PXDNL: variants seen among roughly 807,000 people sequenced by gnomAD.
The protein encoded by PXDNL is peroxidasin like.
A neutral mutation model predicts 150.8 loss-of-function variants in PXDNL; 145 were observed. The observed-to-expected ratio is 0.96, with a 90% CI of 0.84 to 1.10. PXDNL has a LOEUF of 1.10. PXDNL is among the 50% of genes least tolerant of loss of function. The pLI is 0.00. For missense variants in PXDNL, 2,087 were observed against 1,873.9 expected (o/e 1.11, Z -2.10); for synonymous variants, 757 against 725.7 (o/e 1.04, Z -0.69).
At chr8:51,594,429 C>T (rs1360457323) in intron 2 of PXDNL, among the ~76,000 whole-genome samples, 1 of 152,064 alleles carries the variant, frequency 6.6e-6, no homozygotes, top group Non-Finnish European at 1.5e-5. Flanking sequence ...CAATTAGAAA[C>T]GGAAAAGATA....
At chr8:51,432,917 G>A (rs529552817) in intron 12 of PXDNL, among the ~76,000 whole-genome samples, 1 of 147,898 alleles carries the variant, frequency 6.8e-6, no homozygotes, top group Non-Finnish European at 1.5e-5. Flanking sequence ...ATTTTAAAAG[G>A]AATATTTCGG....
chr8:51,604,664 T>TA (rs1437908636), intron 2 of PXDNL, among the ~76,000 whole-genome samples: 4 of 152,100 alleles, frequency 2.6e-5, no homozygotes, highest in Admixed American at 6.6e-5. Flanking sequence ...ATAAAAAAAA[T>TA]ACTTAAACAT....
chr8:51,390,937 T>C lies in PXDNL; in HGVS notation c.3558-16206A>G, dbSNP rs1437661468. ...CAGTCCCCAGAGTGTGATGTTCCCCTTCCTGTGTCCATGTGTTCTCACTGT... is the reference window on the plus strand; with the variant it reads ...CAGTCCCCAGAGTGTGATGTTCCCCCTCCTGTGTCCATGTGTTCTCACTGT... On this transcript the variant is annotated intron_variant, in intron 17 of 22. Transcript: ENST00000356297. 2.6e-5 allele frequency among the ~76,000 whole-genome samples: 4 copies of C among 152,156 alleles called. No individual in the cohort carries two copies. In the East Asian group the frequency reaches 7.7e-4, roughly 29 times the overall value.
chr8:51,722,553 T>C lies in PXDNL; in HGVS notation c.165-67793A>G, dbSNP rs146906948. Among the ~76,000 whole-genome samples the C allele has an allele frequency of 2.9e-3, 436 of 152,222 alleles. 1 individual carries two copies. The highest frequency in any genetic ancestry group is 9.8e-3 in the African/African-American group (408 of 41,524). ...AGACTCAGGGATGAATGCAGGGTTT[T>C]TATTGAGTGGTGAGGTGGCTCTCAG... On this transcript the variant is annotated intron_variant, in intron 1 of 22. Coordinates refer to ENST00000356297, the MANE Select transcript of PXDNL (RefSeq NM_144651.5).
chr8:51,685,506 G>A (rs1277247436), intron 1 of PXDNL, among the ~76,000 whole-genome samples: 3 of 152,126 alleles, frequency 2.0e-5, no homozygotes, highest in South Asian at 2.1e-4. Context: ...TAGTCTCACC[G>A]CTGCCTACTT....
At chr8:51,674,857 C>A (rs1346109203) in intron 1 of PXDNL, among the ~76,000 whole-genome samples, 1 of 152,210 alleles carries the variant, frequency 6.6e-6, no homozygotes, top group East Asian at 1.9e-4. Context: ...GTTTCAGGTC[C>A]AGATTTGTCT....
chr8:51,718,876 A>T (rs1816667428), intron 1 of PXDNL, among the ~76,000 whole-genome samples: 1 of 151,976 alleles, frequency 6.6e-6, no homozygotes, highest in Admixed American at 6.5e-5. Flanking sequence ...AGGATCCTGA[A>T]CTAGTCATTT....
At position 51,408,654 on chromosome 8, in the gene PXDNL, G is replaced by T; in HGVS notation, c.2970C>A (p.Pro990=). Residue 990 remains proline (P), a synonymous_variant, in exon 17 of 23, where the codon CCC becomes CCA. Transcript: ENST00000356297. ...RMATELSALN[P]HWEGNTVYQE... ...GGTAAACCGTGTTTCCCTCCCAGTG[G>T]GGGTTCAGGGCGGACAGCTCCGTGG... 1.2e-6 allele frequency: 2 copies of T among 1,605,256 alleles called. No homozygotes were observed. Among genetic ancestry groups the T allele is most frequent in the East Asian group, 4.5e-5 (2 of 44,454 alleles).
At chr8:51,559,515 G>A (rs1812676764) in intron 3 of PXDNL, among the ~76,000 whole-genome samples, 1 of 151,878 alleles carries the variant, frequency 6.6e-6, no homozygotes, top group Non-Finnish European at 1.5e-5. Flanking sequence ...ACATCACCCA[G>A]AGCACAATCT....
intron 17 of PXDNL, among the ~76,000 whole-genome samples, chr8:51,380,070 G>T (rs925269776): frequency 1.3e-5 from 2 of 151,598 alleles, no homozygotes; most frequent in Admixed American, 6.6e-5. Flanking sequence ...ATTGAAAAAA[G>T]AAGAAGTGTC....
chr8:51,553,323 ATTGTACTCGTATGGACTG>A (rs957713698), intron 4 of PXDNL, among the ~76,000 whole-genome samples: 1 of 152,098 alleles, frequency 6.6e-6, no homozygotes, highest in Non-Finnish European at 1.5e-5. Context: ...TCCACTAGGC[ATTGTACTCGTATGGACTG>A]TCTGCAATGG....
Position 51,619,857 on chromosome 8 carries a change from C to A in PXDNL, c.237-27159G>T, listed in dbSNP as rs574465048. Among the ~76,000 whole-genome samples the A allele has an allele frequency of 2.0e-5, 3 of 152,264 alleles. No homozygotes were observed. In the South Asian group the frequency reaches 6.2e-4, roughly 32 times the overall value. ...CTCCGTCTGTTAGCATTAGATGATA[C>A]CCTTTTCATCCAATCAGATTTCCAC... On this transcript the variant is annotated intron_variant, in intron 2 of 22. Transcript: ENST00000356297.
rs148043479 is a variant in PXDNL at position 51,453,555 on chromosome 8, C to T, written c.1213G>A (p.Gly405Ser). 1,076 of 1,614,020 alleles carry T rather than the reference C, an allele frequency of 6.7e-4. 6 individuals are homozygous for T. The African/African-American group carries it at 0.012, about 18-fold the overall frequency. The change falls in exon 10 of 23, where the codon GGC becomes AGC. Residue 405 changes from glycine (G) to serine (S), a missense_variant. Gly to Ser is a moderately conservative substitution (Grantham distance 56). Coordinates refer to ENST00000356297, the MANE Select transcript of PXDNL (RefSeq NM_144651.5). ...RFTCHANNSH[G>S]TVQAAANIIV... is the part of the protein sequence containing the mutation. Reference sequence around the variant, plus strand: ...ATGTTTGCTGCAGCTTGAACAGTGCCGTGGCTATTGTTGGCATGACAGGTA... The same window carrying T: ...ATGTTTGCTGCAGCTTGAACAGTGCTGTGGCTATTGTTGGCATGACAGGTA...
intron 1 of PXDNL, among the ~76,000 whole-genome samples, chr8:51,726,115 G>A (rs118171405): frequency 0.014 from 2,140 of 152,296 alleles, 32 homozygotes; most frequent in South Asian, 0.038. Context: ...GAAATGCAGC[G>A]TTTTTTGATG....
intron 1 of PXDNL, among the ~76,000 whole-genome samples, chr8:51,795,465 T>C (rs998921695): frequency 6.6e-6 from 1 of 152,168 alleles, no homozygotes; most frequent in Non-Finnish European, 1.5e-5. Flanking sequence ...TACAGTGCAA[T>C]CAAATTAGAA....
rs1167812519 is a variant in PXDNL at position 51,408,899 on chromosome 8, C to A, written c.2725G>T (p.Ala909Ser). ...VYGSSERESQ[A>S]LRDPSVPRGL... ...CGAGGCACCGAAGGGTCTCTGAGAG[C>A]CTGGGATTCCCGCTCCGAGCTCCCG... Residue 909 changes from alanine to serine, a missense_variant, in exon 17 of 23, where the codon GCT becomes TCT. Ala to Ser is a moderately conservative substitution (Grantham distance 99, BLOSUM62 1). Coordinates refer to ENST00000356297, the MANE Select transcript of PXDNL (RefSeq NM_144651.5). 2 of 1,607,538 alleles carry A rather than the reference C, an allele frequency of 1.2e-6. No individual in the cohort carries two copies. The highest frequency in any genetic ancestry group is 1.1e-5 in the South Asian group (1 of 90,284).
chr8:51,525,545 A>G (rs769836827), intron 4 of PXDNL, among the ~76,000 whole-genome samples: 5 of 152,242 alleles, frequency 3.3e-5, no homozygotes, highest in Non-Finnish European at 7.3e-5. Flanking sequence ...TCTAACATGG[A>G]GACAGAAGGA....
chr8:51,555,472 G>A (rs557335678), intron 4 of PXDNL, among the ~76,000 whole-genome samples: 1 of 152,170 alleles, frequency 6.6e-6, no homozygotes, highest in East Asian at 1.9e-4. Context: ...TAGAGCAAAG[G>A]CAATTTAAAA....
intron 5 of PXDNL, among the ~76,000 whole-genome samples, chr8:51,496,635 C>T (rs2130266601): frequency 6.6e-6 from 1 of 152,240 alleles, no homozygotes; most frequent in African/African-American, 2.4e-5. Flanking sequence ...CATTCTTATA[C>T]ACCAATAACA....
Sources: allele counts gnomAD v4.1 joint callset (sites outside exome capture counted in the v4.1 genomes callset), GRCh38; gene constraint gnomAD v4.1.1; transcripts MANE v1.5; gene names NCBI Gene and HGNC (gene_info 2026-07-23, HGNC 2026-07-21).